The following UBE3D variants were observed in gnomAD, a reference collection of about 807,000 sequenced individuals.
UBE3D encodes the protein ubiquitin protein ligase E3D, also known as E3 ubiquitin-protein ligase E3D.
A neutral mutation model predicts 49.6 loss-of-function variants in UBE3D; 48 were observed. The ratio of observed to expected loss-of-function variants is 0.97; its 90% CI spans 0.77 to 1.23. The LOEUF (loss-of-function observed/expected upper bound fraction) is 1.23, where lower values mean the gene tolerates loss of function less well. Ranked by LOEUF, UBE3D falls within the 50% of genes most tolerant of loss-of-function variation. UBE3D has a pLI of 0.00. For missense variants in UBE3D, 452 were observed against 468.4 expected (o/e 0.96, Z 0.32); for synonymous variants, 189 against 174.2 (o/e 1.08, Z -0.67).
chr6:82,993,870 G>C (rs1469317992), intron 8 of UBE3D, among the ~76,000 whole-genome samples: 1 of 152,324 alleles, frequency 6.6e-6, no homozygotes, highest in South Asian at 2.1e-4. Flanking sequence ...TCATGAAAAA[G>C]AGTTCCATGA....
At chr6:82,966,649 C>CAAAAAAAAAAAAA (rs1204365470) in intron 8 of UBE3D, among the ~76,000 whole-genome samples, 1 of 25,090 alleles carries the variant, frequency 4.0e-5, no homozygotes, top group Non-Finnish European at 7.3e-5. Flanking sequence ...GACTCCGTCT[C>CAAAAAAAAAAAAA]AAAAAAAAAA....
At chr6:82,913,764 C>A (rs1012516912) in intron 9 of UBE3D, among the ~76,000 whole-genome samples, 5 of 152,082 alleles carry the variant, frequency 3.3e-5, no homozygotes, top group Non-Finnish European at 7.4e-5. Flanking sequence ...CAAAACAAAC[C>A]CAGAACTTAA....
At chr6:82,943,801 TCTGTG>T (rs2127758783) in intron 9 of UBE3D, among the ~76,000 whole-genome samples, 1 of 152,112 alleles carries the variant, frequency 6.6e-6, no homozygotes, top group African/African-American at 2.4e-5. Context: ...CTCAGAGAAA[TCTGTG>T]CTCTTGAAGG....
chr6:82,978,308 T>C (rs73478997), intron 8 of UBE3D, among the ~76,000 whole-genome samples: 1 of 152,266 alleles, frequency 6.6e-6, no homozygotes, highest in South Asian at 2.1e-4. Context: ...TTTGAAATAC[T>C]GGCTTTGCTG....
intron 2 of UBE3D, among the ~76,000 whole-genome samples, chr6:83,054,795 C>T (rs185972960): frequency 2.6e-5 from 4 of 152,070 alleles, no homozygotes; most frequent in Non-Finnish European, 5.9e-5. Context: ...GGATTACAGG[C>T]GCCCATCACC....
At chr6:83,024,070 C>G (rs780108349) in intron 5 of UBE3D, 32 bp from the exon 6 acceptor site, 1 of 1,198,912 alleles carries the variant, frequency 8.3e-7, no homozygotes, top group Non-Finnish European at 1.2e-6. Flanking sequence ...AAGACTCTCC[C>G]CAATACACTA....
rs757764555 is a variant in UBE3D, at chr6:83,022,535, G to A, written c.764C>T (p.Ala255Val). 6.2e-7 allele frequency: 1 copy of A among 1,603,960 alleles called. No individual in the cohort carries two copies. Among genetic ancestry groups the A allele is most frequent in the Non-Finnish European group, 8.5e-7 (1 of 1,176,214 alleles). ...PRSWFVQSVIAQCLVQLSSAR... is the reference protein window; with the variant it reads ...PRSWFVQSVIVQCLVQLSSAR... ...AGAGGAGAGCTGCACCAGACACTGG[G>A]CGATCACGCTCTGGACAAACCAAGA... Residue 255 changes from alanine (A) to valine (V), a missense_variant, in exon 7 of 10, where the codon GCC becomes GTC. Physicochemically the swap from Ala to Val is moderately conservative, Grantham distance 64. Coordinates refer to ENST00000369747, the MANE Select transcript of UBE3D (RefSeq NM_198920.3).
chr6:82,945,822 C>T (rs780026447), intron 9 of UBE3D, among the ~76,000 whole-genome samples: 2 of 151,976 alleles, frequency 1.3e-5, no homozygotes, highest in Admixed American at 1.3e-4. Context: ...ATAGATTGAA[C>T]TAATTAAAAA....
intron 9 of UBE3D, among the ~76,000 whole-genome samples, chr6:82,909,588 A>G (rs1772350660): frequency 6.6e-6 from 1 of 152,192 alleles, no homozygotes; most frequent in East Asian, 1.9e-4. Flanking sequence ...ATAAGCATTC[A>G]CATCTGCTTT....
At chr6:82,991,063 C>G (rs1308958609) in intron 8 of UBE3D, among the ~76,000 whole-genome samples, 1 of 152,160 alleles carries the variant, frequency 6.6e-6, no homozygotes, top group East Asian at 1.9e-4. Context: ...GGCAGGAGGC[C>G]TCAGTTCCTT....
chr6:82,955,231 A>T (rs980321618), intron 9 of UBE3D, among the ~76,000 whole-genome samples: 1 of 151,736 alleles, frequency 6.6e-6, no homozygotes, highest in Non-Finnish European at 1.5e-5. Flanking sequence ...TTCCTCCCAA[A>T]CCTCCCATAT....
At chr6:83,064,248 G>T (rs564164368) in intron 1 of UBE3D, among the ~76,000 whole-genome samples, 1 of 151,766 alleles carries the variant, frequency 6.6e-6, no homozygotes, top group South Asian at 2.1e-4. Context: ...TTTTTGAGAC[G>T]GAGTCTCTTT....
intron 9 of UBE3D, among the ~76,000 whole-genome samples, chr6:82,907,695 C>G (rs764350133): frequency 9.2e-5 from 14 of 152,226 alleles, no homozygotes; most frequent in Non-Finnish European, 1.6e-4. Context: ...AATGATGTCA[C>G]TGATGAAGAC....
At chr6:82,938,043 C>G (rs142634344) in intron 9 of UBE3D, among the ~76,000 whole-genome samples, 335 of 150,716 alleles carry the variant, frequency 2.2e-3, no homozygotes, top group Non-Finnish European at 3.6e-3. Flanking sequence ...CTATATTTTT[C>G]CTCAGTTAAA....
intron 8 of UBE3D, among the ~76,000 whole-genome samples, chr6:82,986,470 CAAAAAA>C (rs58841514): frequency 2.9e-5 from 1 of 34,866 alleles, no homozygotes; most frequent in African/African-American, 1.0e-4. Flanking sequence ...CACTCTGTCT[CAAAAAA>C]AAAAAAAAAA....
chr6:82,987,677 A>G (rs1395440826), intron 8 of UBE3D, among the ~76,000 whole-genome samples: 1 of 152,194 alleles, frequency 6.6e-6, no homozygotes, highest in Non-Finnish European at 1.5e-5. Flanking sequence ...GGAATTACCT[A>G]ATAATACTGA....
downstream of UBE3D, among the ~76,000 whole-genome samples, chr6:82,887,444 C>T (rs1051973685): frequency 5.3e-5 from 7 of 132,088 alleles, no homozygotes; most frequent in Non-Finnish European, 7.7e-5. Flanking sequence ...CGCGGTGGCT[C>T]ACACCTATAA....
the UBE3D span, among the ~76,000 whole-genome samples, chr6:82,887,118 A>G: frequency 1.3e-5 from 2 of 151,898 alleles, no homozygotes; most frequent in South Asian, 4.2e-4. Flanking sequence ...AGCCTGGCCA[A>G]CATGGTGAAA....
At chr6:82,954,752 G>A (rs1776041804) in intron 9 of UBE3D, among the ~76,000 whole-genome samples, 1 of 152,198 alleles carries the variant, frequency 6.6e-6, no homozygotes, top group South Asian at 2.1e-4. Flanking sequence ...GATGAAGTGG[G>A]TGGTACAAAG....
Sources: gnomAD v4.1 joint callset for allele counts (sites outside exome capture counted in the v4.1 genomes callset) on GRCh38, gnomAD v4.1.1 for gene constraint, MANE v1.5 for transcripts, NCBI Gene and HGNC (gene_info 2026-07-23, HGNC 2026-07-21) for gene names.